The following CACNA2D4 variants were observed in gnomAD, a reference collection of about 807,000 sequenced individuals.
CACNA2D4 encodes the protein voltage-dependent calcium channel subunit alpha-2/delta-4.
CACNA2D4 carries 157 observed loss-of-function variants against 163.8 expected under a neutral mutation model. The ratio of observed to expected loss-of-function variants is 0.96; its 90% CI spans 0.84 to 1.09. The LOEUF (loss-of-function observed/expected upper bound fraction) is 1.09. Ranked by LOEUF, CACNA2D4 falls within the 50% of genes least tolerant of loss-of-function variation. CACNA2D4 has a pLI of 0.00. For missense variants in CACNA2D4, 1,410 were observed against 1,479.9 expected (o/e 0.95, Z 0.78); for synonymous variants, 598 against 586.9 (o/e 1.02, Z -0.27).
rs754882658 is a variant in CACNA2D4 at position 1,875,381 on chromosome 12, G to A, written c.1720-44C>T. On this transcript the variant is annotated intron_variant, in intron 16 of 37. Transcript: ENST00000382722. This position sits in a 1 kb window ranked among gnomAD's most constrained non-coding sequence, Gnocchi z 4.0. ...GAAGAAAAACATGTGGTCAGTATAC[G>A]TCCTGCTCAAGTTTATCTCTTCTAC... 4.8e-5 allele frequency: 59 copies of A among 1,228,992 alleles called. No homozygotes were observed. Among genetic ancestry groups the A allele is most frequent in the Non-Finnish European group, 6.0e-5 (50 of 828,972 alleles). The allele number at this position is 1,228,992 out of a possible 1,614,324, so 76.1% of individuals were successfully genotyped here.
In CACNA2D4 at chr12:1,811,674, C is replaced by T. The variant is rs756554605; in HGVS notation, c.2601G>A (p.Ala867=). The part of the protein sequence containing the change: ...KLEFLQRKFW[A]ATRQCSTVDG... ...ACATCACACCTACCTGCCGCGTTGC[C>T]GCCCAGAATTTGCGCTGGAGGAATT... Residue 867 remains alanine (A), a synonymous_variant, in exon 27 of 38, where the codon GCG becomes GCA. Coordinates refer to ENST00000382722, the MANE Select transcript of CACNA2D4 (RefSeq NM_172364.5). The T allele has an allele frequency of 2.2e-5, 35 of 1,559,700 alleles. No individual in the cohort carries two copies. The highest frequency in any genetic ancestry group is 6.8e-5 in the African/African-American group (5 of 73,234).
At chr12:1,900,199 A>T (rs1192826818) in intron 6 of CACNA2D4, among the ~76,000 whole-genome samples, 1 of 152,208 alleles carries the variant, frequency 6.6e-6, no homozygotes, top group Non-Finnish European at 1.5e-5. Flanking sequence ...ACATGATCAC[A>T]GCTCACTGCA....
chr12:1,856,061 C>T lies in CACNA2D4; in HGVS notation c.2103G>A (p.Gln701=), dbSNP rs1233432453. 6.2e-7 allele frequency: 1 copy of T among 1,613,932 alleles called. No individual in the cohort carries two copies. The highest frequency in any genetic ancestry group is 8.5e-7 in the Non-Finnish European group (1 of 1,179,902). ...DIDPDHRKLS[Q]LEAMIRFLTR... is the part of the protein sequence containing the mutation. ...TGAGGAAGCGGATCATGGCCTCTAG[C>T]TGGCTGAGCTTCCGGTGGTCTGGGT... The change falls in exon 22 of 38, where the codon CAG becomes CAA. Residue 701 remains glutamine (Q), a synonymous_variant. Transcript: ENST00000382722.
chr12:1,798,411 C>T lies in CACNA2D4; in HGVS notation c.2996-876G>A, dbSNP rs1041515877. Among the ~76,000 whole-genome samples the T allele has an allele frequency of 2.6e-5, 4 of 152,132 alleles. No individual in the cohort carries two copies. Among genetic ancestry groups the T allele is most frequent in the Admixed American group, 2.6e-4 (4 of 15,284 alleles). ...GTCCTACAGGAGAGCATGGGTCTCC[C>T]CAGCTTCCAAATCCAGAAGCTCCCA... On this transcript the variant is annotated intron_variant, in intron 34 of 37. Transcript: ENST00000382722. This position sits in a 1 kb window ranked among gnomAD's most constrained non-coding sequence, Gnocchi z 4.3.
At chr12:1,859,009 C>T (rs1865464873) in intron 19 of CACNA2D4, among the ~76,000 whole-genome samples, 1 of 152,188 alleles carries the variant, frequency 6.6e-6, no homozygotes, top group African/African-American at 2.4e-5. Flanking sequence ...CCTTTTCCTA[C>T]CCGGTGAGTC....
intron 6 of CACNA2D4, among the ~76,000 whole-genome samples, chr12:1,893,254 A>G (rs1242174571): frequency 6.6e-6 from 1 of 152,204 alleles, no homozygotes; most frequent in Admixed American, 6.5e-5. Context: ...AACAAGTCTC[A>G]GTAAATTAAT....
chr12:1,886,141 C>T, intron 8 of CACNA2D4, 82 bp downstream of exon 8: 1 of 1,566,092 alleles, frequency 6.4e-7, no homozygotes, highest in East Asian at 2.2e-5. Context: ...ACCGGGTGGT[C>T]AGGGGTTGTG....
intron 6 of CACNA2D4, 25 bp downstream of exon 6, chr12:1,907,415 G>C (rs1244795950): frequency 1.9e-6 from 3 of 1,606,530 alleles, no homozygotes; most frequent in South Asian, 1.1e-5. Flanking sequence ...CAGAAGGTCG[G>C]GGAGATGCAA....
At chr12:1,796,032 G>A (rs987683506) in intron 35 of CACNA2D4, 3 of 542,732 alleles carry the variant, frequency 5.5e-6, no homozygotes, top group African/African-American at 3.8e-5. Flanking sequence ...TCCAAACTGG[G>A]CCGCTTTGGA....
rs77020445 is a variant in CACNA2D4 at position 1,904,741 on chromosome 12, T to A, written c.781+2699A>T. Among the ~76,000 whole-genome samples the A allele has an allele frequency of 7.3e-3, 1,105 of 152,144 alleles. 12 individuals are homozygous for A. Among genetic ancestry groups the A allele is most frequent in the African/African-American group, 0.025 (1,041 of 41,556 alleles). ...CTGGTAACCAGAAATAAAATAACTA[T>A]AGAATACATATAAAAGGAAATGAGA... On this transcript the variant is annotated intron_variant, in intron 6 of 37. Transcript: ENST00000382722.
At chr12:1,795,489 A>C in intron 36 of CACNA2D4, 108 bp from the exon 37 acceptor site, 1 of 1,136,462 alleles carries the variant, frequency 8.8e-7, no homozygotes, top group South Asian at 1.3e-5. Context: ...CCCTGCAAGC[A>C]GCTTTAGGGT....
intron 26 of CACNA2D4, among the ~76,000 whole-genome samples, chr12:1,823,625 C>G (rs948857074): frequency 6.6e-6 from 1 of 151,906 alleles, no homozygotes; most frequent in Non-Finnish European, 1.5e-5. Context: ...CAGCACACAA[C>G]CCCCAGCCAG....
chr12:1,901,948 C>A (rs1866547542), intron 6 of CACNA2D4, among the ~76,000 whole-genome samples: 1 of 151,958 alleles, frequency 6.6e-6, no homozygotes, highest in South Asian at 2.1e-4. Context: ...CTGAAGAGCA[C>A]TGATGCAAAA....
At chr12:1,794,278 C>G (rs1863050767) in intron 37 of CACNA2D4, among the ~76,000 whole-genome samples, 1 of 152,090 alleles carries the variant, frequency 6.6e-6, no homozygotes, top group Admixed American at 6.5e-5. Context: ...CGTTAAAGCA[C>G]CTTGGGATCC....
Position 1,875,201 on chromosome 12 carries a change from T to G in CACNA2D4, c.1806+50A>C. On this transcript the variant is annotated intron_variant, in intron 17 of 37. Coordinates refer to ENST00000382722, the MANE Select transcript of CACNA2D4 (RefSeq NM_172364.5). The surrounding 1 kb of genome is among the most constrained non-coding windows in gnomAD (Gnocchi z 4.0). ...ACAGCCACACAGCTGACCCATTTAG[T>G]TGGATGTAGAGCCTAACTAGCTTCC... 2 of 1,313,702 alleles carry G rather than the reference T, an allele frequency of 1.5e-6. No individual in the cohort carries two copies. The highest frequency in any genetic ancestry group is 2.2e-6 in the Non-Finnish European group (2 of 906,832). The allele number at this position is 1,313,702 out of a possible 1,614,324, so 81.4% of individuals were successfully genotyped here. A position where few individuals can be genotyped will look rare whatever the true frequency, so the allele number is the denominator to read the frequency against.
At chr12:1,809,615 T>C (rs1478413557) in intron 29 of CACNA2D4, 1 of 695,952 alleles carries the variant, frequency 1.4e-6, no homozygotes, top group Admixed American at 2.1e-5. Flanking sequence ...CCAGCAAGTA[T>C]AAAAATATTA....
rs1864074748 is a variant in CACNA2D4, at chr12:1,820,953, G to A, written c.2552-9230C>T. On this transcript the variant is annotated intron_variant, in intron 26 of 37. Transcript: ENST00000382722. The surrounding 1 kb of genome is among the most constrained non-coding windows in gnomAD (Gnocchi z 6.0). ...CTTCCTACCTGCAGGCAATTGCTGG[G>A]GCCGAAGAAGCTGCTCGGGCTCAGG... is the stretch of plus-strand genomic sequence containing the variant. 6.6e-6 allele frequency: 1 copy of A among 152,308 alleles called. No individual in the cohort carries two copies. The highest frequency in any genetic ancestry group is 1.9e-4 in the East Asian group (1 of 5,192). The allele number at this position is 152,308 out of a possible 1,614,324, so 9.4% of individuals were successfully genotyped here.
Position 1,834,720 on chromosome 12 carries a change from G to A in CACNA2D4, c.2551+6019C>T, listed in dbSNP as rs1197649492. On this transcript the variant is annotated intron_variant, in intron 26 of 37. Coordinates refer to ENST00000382722, the MANE Select transcript of CACNA2D4 (RefSeq NM_172364.5). The surrounding 1 kb of genome is among the most constrained non-coding windows in gnomAD (Gnocchi z 7.6). ...CAGAAGCAGATCTCTTCTGTGGCCT[G>A]AGCGCCCATCCCCACCCGGCCAGGT... The A allele has an allele frequency of 6.3e-7, 1 of 1,585,632 alleles. No homozygotes were observed. The highest frequency in any genetic ancestry group is 8.6e-7 in the Non-Finnish European group (1 of 1,168,028).
chr12:1,822,658 G>C, intron 26 of CACNA2D4, among the ~76,000 whole-genome samples: 1 of 152,260 alleles, frequency 6.6e-6, no homozygotes, highest in East Asian at 1.9e-4. Context: ...GATGGGGCAT[G>C]TGTTTTAAAA....
Sources: allele counts gnomAD v4.1 joint callset (sites outside exome capture counted in the v4.1 genomes callset), GRCh38; gene constraint gnomAD v4.1.1; non-coding constraint Gnocchi (gnomAD v3.1); transcripts MANE v1.5; gene names NCBI Gene and HGNC (gene_info 2026-07-23, HGNC 2026-07-21).